The following EMID1 variants were observed in gnomAD, a reference collection of about 807,000 sequenced individuals.
The protein encoded by EMID1 is EMI domain-containing protein 1.
EMID1 carries 40 observed loss-of-function variants against 60.6 expected under a neutral mutation model. The observed-to-expected ratio is 0.66, with a 90% CI of 0.51 to 0.86. EMID1 has a LOEUF of 0.86. Ranked by LOEUF, EMID1 falls within the 40% of genes least tolerant of loss-of-function variation. The pLI, the probability that EMID1 is intolerant of heterozygous loss-of-function variation, is 0.00. For missense variants in EMID1, 585 were observed against 597.1 expected (o/e 0.98, Z 0.21); for synonymous variants, 242 against 231.0 (o/e 1.05, Z -0.43).
At chr22:29,250,292 G>GTTC (rs1366760679) in intron 13 of EMID1, among the ~76,000 whole-genome samples, 2 of 151,338 alleles carry the variant, frequency 1.3e-5, no homozygotes, top group East Asian at 1.9e-4. Flanking sequence ...TATAATCAAG[G>GTTC]TTCTCACACA....
intron 5 of EMID1, among the ~76,000 whole-genome samples, chr22:29,226,952 G>A (rs928010914): frequency 2.3e-4 from 35 of 152,194 alleles, no homozygotes; most frequent in African/African-American, 8.4e-4. Context: ...CAGAGATCCT[G>A]GTAGGATCTC....
At chr22:29,234,426 T>TGGTTAGAA in intron 12 of EMID1, 77 bp downstream of exon 12, 2 of 1,519,560 alleles carry the variant, frequency 1.3e-6, no homozygotes, top group Admixed American at 3.8e-5. Flanking sequence ...CTCCATCCCC[T>TGGTTAGAA]GCAACCAGAG....
chr22:29,252,671 A>T (rs1376671564), intron 13 of EMID1, among the ~76,000 whole-genome samples: 2 of 152,180 alleles, frequency 1.3e-5, no homozygotes, highest in African/African-American at 4.8e-5. Context: ...AGCTGGTACC[A>T]CTTGGGGAGT....
At chr22:29,211,404 C>T (rs2039875148) in intron 1 of EMID1, among the ~76,000 whole-genome samples, 1 of 152,082 alleles carries the variant, frequency 6.6e-6, no homozygotes, top group Non-Finnish European at 1.5e-5. Flanking sequence ...CACACGGAGG[C>T]CCGTGTGTCC....
chr22:29,255,548 T>C, intron 14 of EMID1: 1 of 464,136 alleles, frequency 2.2e-6, no homozygotes, highest in Non-Finnish European at 3.9e-6. Context: ...AATGCGCACC[T>C]GCTCTGTGCC....
chr22:29,223,662 C>G (rs2040388598), intron 3 of EMID1, among the ~76,000 whole-genome samples: 1 of 152,232 alleles, frequency 6.6e-6, no homozygotes, highest in South Asian at 2.1e-4. Context: ...TCTTCTCTGC[C>G]TCATTTCCTC....
Position 29,259,182 on chromosome 22 carries a change from G to T in EMID1, c.*238G>T. 1.7e-6 allele frequency: 1 copy of T among 592,758 alleles called. No homozygotes were observed. Among genetic ancestry groups the T allele is most frequent in the Non-Finnish European group, 2.8e-6 (1 of 355,360 alleles). 36.7% of individuals were successfully genotyped at this position (592,758 alleles called of 1,614,324 possible). On this transcript the variant is annotated 3_prime_UTR_variant, in exon 15 of 15. Transcript: ENST00000334018. ...TCCCTCTGTGAAGTGGGGGGAGGCA[G>T]GCCTTCAAGGAGGGATAGAGGTACA...
chr22:29,248,830 G>C (rs529315345), intron 13 of EMID1, among the ~76,000 whole-genome samples: 76 of 152,060 alleles, frequency 5.0e-4, no homozygotes, highest in Non-Finnish European at 5.1e-4. Flanking sequence ...GACAGAGCAA[G>C]ACTCTGTCTC....
intron 3 of EMID1, among the ~76,000 whole-genome samples, chr22:29,215,856 A>G (rs922186777): frequency 2.0e-5 from 3 of 152,156 alleles, no homozygotes; most frequent in East Asian, 1.9e-4. Context: ...GAAGAATTTT[A>G]TATATGCTGC....
At chr22:29,217,555 C>G (rs894749678) in intron 3 of EMID1, among the ~76,000 whole-genome samples, 2 of 152,350 alleles carry the variant, frequency 1.3e-5, no homozygotes, top group East Asian at 1.9e-4. Context: ...GGAAAGGCAC[C>G]ATCACTAAAA....
At chr22:29,208,853 G>T (rs1349712732) in intron 1 of EMID1, among the ~76,000 whole-genome samples, 1 of 152,208 alleles carries the variant, frequency 6.6e-6, no homozygotes, top group Non-Finnish European at 1.5e-5. Flanking sequence ...GAACAGGAAT[G>T]AACAATAGCT....
At chr22:29,232,524 AC>A in intron 8 of EMID1, 122 bp downstream of exon 8, 1 of 1,140,382 alleles carries the variant, frequency 8.8e-7, no homozygotes, top group Non-Finnish European at 1.2e-6. Flanking sequence ...GCCACATGTG[AC>A]CCAGTCCTCC....
intron 3 of EMID1, chr22:29,216,563 G>A (rs1601913208): frequency 1.7e-5 from 17 of 985,438 alleles, no homozygotes; most frequent in East Asian, 1.1e-4. Context: ...CCCCAATTCC[G>A]GAAACACAAA....
intron 3 of EMID1, chr22:29,216,498 A>G: frequency 1.0e-6 from 1 of 985,470 alleles, no homozygotes; most frequent in Non-Finnish European, 1.2e-6. Flanking sequence ...AAGGGACAGA[A>G]GCATTCAGGG....
intron 14 of EMID1, among the ~76,000 whole-genome samples, chr22:29,255,912 A>C (rs1199512458): frequency 6.6e-6 from 1 of 152,170 alleles, no homozygotes; most frequent in East Asian, 1.9e-4. Context: ...TAGATTGAGA[A>C]GGTCCTAGAA....
intron 3 of EMID1, among the ~76,000 whole-genome samples, chr22:29,216,022 C>G (rs952150054): frequency 6.6e-5 from 10 of 152,150 alleles, no homozygotes; most frequent in African/African-American, 2.4e-4. Context: ...AATGGTTTTA[C>G]CTATCCTGCA....
At chr22:29,228,309 G>A (rs2146267797) in intron 5 of EMID1, among the ~76,000 whole-genome samples, 1 of 152,088 alleles carries the variant, frequency 6.6e-6, no homozygotes, top group East Asian at 1.9e-4. Flanking sequence ...CTGGACGACA[G>A]AGCGAGACTC....
In EMID1 at chr22:29,259,155, T is replaced by C; in HGVS notation, c.*211T>C. The C allele has an allele frequency of 1.4e-6, 1 of 724,792 alleles. No homozygotes were observed. Among genetic ancestry groups the C allele is most frequent in the Middle Eastern group, 4.1e-4 (1 of 2,428 alleles). 44.9% of individuals were successfully genotyped at this position (724,792 alleles called of 1,614,324 possible). ...CTGAGAGGAGAGGCTTGGGCCTCAG[T>C]TTCCCTCTGTGAAGTGGGGGGAGGC... On this transcript the variant is annotated 3_prime_UTR_variant, in exon 15 of 15. Coordinates refer to ENST00000334018, the MANE Select transcript of EMID1 (RefSeq NM_133455.4).
chr22:29,231,188 G>A, intron 6 of EMID1, 48 bp downstream of exon 6: 2 of 1,540,836 alleles, frequency 1.3e-6, no homozygotes, highest in Non-Finnish European at 8.7e-7. Flanking sequence ...AGTGGGTTGG[G>A]AATCGGGGAA....
Sources: allele counts gnomAD v4.1 joint callset (sites outside exome capture counted in the v4.1 genomes callset), GRCh38; gene constraint gnomAD v4.1.1; transcripts MANE v1.5; gene names NCBI Gene and HGNC (gene_info 2026-07-23, HGNC 2026-07-21).